PDE6A: variants seen among roughly 807,000 people sequenced by gnomAD.
PDE6A encodes rod cGMP-specific 3',5'-cyclic phosphodiesterase subunit alpha.
PDE6A carries 84 observed loss-of-function variants against 106.3 expected under a neutral mutation model. That is an observed-to-expected ratio of 0.79 (90% CI 0.66 to 0.95). PDE6A has a LOEUF of 0.95. Ranked by LOEUF, PDE6A falls within the 40% of genes least tolerant of loss-of-function variation. The pLI is 0.00. For synonymous variants in PDE6A, 394 were observed against 386.6 expected (o/e 1.02, Z -0.23); for missense variants, 1,052 against 1,084.9 (o/e 0.97, Z 0.43).
chr5:149,894,294 G>A (rs548363815), intron 13 of PDE6A, among the ~76,000 whole-genome samples: 3 of 152,212 alleles, frequency 2.0e-5, no homozygotes, highest in South Asian at 4.2e-4. Flanking sequence ...TAATTTAAAG[G>A]TGGCTGATAC....
chr5:149,917,962 A>G (rs1228397100), intron 5 of PDE6A, among the ~76,000 whole-genome samples: 1 of 152,038 alleles, frequency 6.6e-6, no homozygotes, highest in Non-Finnish European at 1.5e-5. Flanking sequence ...TTCCTTTTCT[A>G]TTAACCCCTG....
Position 149,913,338 on chromosome 5 carries a change from G to T in PDE6A, c.998+1605C>A, listed in dbSNP as rs114685851. Among the ~76,000 whole-genome samples the T allele has an allele frequency of 6.2e-3, 938 of 150,256 alleles. 10 individuals carry two copies. The highest frequency in any genetic ancestry group is 0.022 in the African/African-American group (892 of 40,860). The stretch of plus-strand genomic sequence containing the variant: ...TGGAAGTTGTAGTGAGCTGAGATTC[G>T]GCCACTGCACTCCAGCCTGGGAGAC... On this transcript the variant is annotated intron_variant, in intron 6 of 21. Coordinates refer to ENST00000255266, the MANE Select transcript of PDE6A (RefSeq NM_000440.3).
intron 17 of PDE6A, among the ~76,000 whole-genome samples, chr5:149,877,685 C>T (rs577767922): frequency 5.3e-5 from 8 of 152,328 alleles, no homozygotes; most frequent in Admixed American, 1.3e-4. Flanking sequence ...GCTGGGATTA[C>T]AGGCATGGCC....
chr5:149,888,855 G>A (rs1266621934), intron 13 of PDE6A, among the ~76,000 whole-genome samples: 4 of 151,688 alleles, frequency 2.6e-5, no homozygotes, highest in Non-Finnish European at 5.9e-5. Context: ...AGGCCGAGGC[G>A]GGCGGATCAC....
chr5:149,906,418 C>T (rs866584275), intron 7 of PDE6A, among the ~76,000 whole-genome samples: 13 of 147,628 alleles, frequency 8.8e-5, no homozygotes, highest in Non-Finnish European at 1.5e-5. Context: ...CACAGCTATT[C>T]GGGTGGCTGA....
chr5:149,930,629 C>T (rs1038681815), intron 4 of PDE6A, among the ~76,000 whole-genome samples: 11 of 152,300 alleles, frequency 7.2e-5, no homozygotes, highest in African/African-American at 2.6e-4. Flanking sequence ...CCTGGGTGAG[C>T]TCTGGAATAG....
Position 149,899,527 on chromosome 5 carries a change from A to G in PDE6A, c.1114-3T>C, listed in dbSNP as rs1266278691. ...CCAGACTCATCCAGAGGTTCTTTCTACAAGAGAAGGGCTAGATTAGGTTTC... is the reference window on the plus strand; with the variant it reads ...CCAGACTCATCCAGAGGTTCTTTCTGCAAGAGAAGGGCTAGATTAGGTTTC... On this transcript the variant is annotated splice_polypyrimidine_tract_variant and splice_region_variant and intron_variant, in intron 8 of 21. Transcript: ENST00000255266. 6.2e-7 allele frequency: 1 copy of G among 1,614,040 alleles called. No individual in the cohort carries two copies. Among genetic ancestry groups the G allele is most frequent in the Non-Finnish European group, 8.5e-7 (1 of 1,179,914 alleles).
At chr5:149,929,578 G>C (rs919478304) in intron 4 of PDE6A, among the ~76,000 whole-genome samples, 6 of 151,714 alleles carry the variant, frequency 4.0e-5, no homozygotes, top group African/African-American at 1.5e-4. Context: ...CTGCACTCCA[G>C]CCTGGGTGAC....
At chr5:149,915,240 AC>A (rs1300893214) in intron 5 of PDE6A, among the ~76,000 whole-genome samples, 1 of 150,324 alleles carries the variant, frequency 6.7e-6, no homozygotes, top group African/African-American at 2.4e-5. Context: ...CCAACTCCTG[AC>A]CCCATGATCT....
intron 3 of PDE6A, among the ~76,000 whole-genome samples, chr5:149,933,392 TG>T (rs1754099163): frequency 6.6e-6 from 1 of 152,226 alleles, no homozygotes; most frequent in South Asian, 2.1e-4. Flanking sequence ...CCCAAAGTGC[TG>T]GAACTACAGG....
At chr5:149,890,972 A>C (rs1416026838) in intron 13 of PDE6A, among the ~76,000 whole-genome samples, 1 of 152,204 alleles carries the variant, frequency 6.6e-6, no homozygotes, top group African/African-American at 2.4e-5. Flanking sequence ...AGTGCTATGC[A>C]CCTGAATTGG....
intron 19 of PDE6A, chr5:149,867,309 C>A (rs376298330): frequency 7.7e-5 from 21 of 274,014 alleles, no homozygotes; most frequent in Middle Eastern, 1.3e-3. Flanking sequence ...GCACAACTTG[C>A]TCACTCTGTG....
At chr5:149,916,871 G>C (rs1285219946) in intron 5 of PDE6A, among the ~76,000 whole-genome samples, 1 of 152,022 alleles carries the variant, frequency 6.6e-6, no homozygotes, top group East Asian at 1.9e-4. Context: ...TTTACTGTCC[G>C]CATCACTGTC....
chr5:149,862,036 G>A (rs1451972475), intron 21 of PDE6A, among the ~76,000 whole-genome samples: 1 of 152,162 alleles, frequency 6.6e-6, no homozygotes, highest in Non-Finnish European at 1.5e-5. Flanking sequence ...TGCCCATTTA[G>A]AATCAACCCA....
At position 149,903,673 on chromosome 5, in the gene PDE6A, G is replaced by A. The variant is rs762177150; in HGVS notation, c.1088C>T (p.Pro363Leu). 1.9e-6 allele frequency: 3 copies of A among 1,613,846 alleles called. No individual in the cohort carries two copies. Among genetic ancestry groups the A allele is most frequent in the Non-Finnish European group, 2.5e-6 (3 of 1,179,780 alleles). The change falls in exon 8 of 22, where the codon CCT (proline) becomes CTT (leucine). Residue 363 changes from proline (P) to leucine (L), a missense_variant. This residue lies in a region of PDE6A where 913 missense variants were observed against 915.2 expected (regional missense o/e 1.00). Coordinates refer to ENST00000255266, the MANE Select transcript of PDE6A (RefSeq NM_000440.3). ...NGLICNIMNA[P>L]AEDFFAFQKE... ...CTGAAATGCAAAAAAGTCCTCCGCA[G>A]GCGCATTCATGATGTTGCAAATCTG...
chr5:149,907,445 G>C, intron 6 of PDE6A, 67 bp from the exon 7 acceptor site: 2 of 1,304,336 alleles, frequency 1.5e-6, no homozygotes, highest in Non-Finnish European at 2.2e-6. Flanking sequence ...ACTAAAATCT[G>C]GGTGTTTGCG....
chr5:149,932,747 G>A, intron 3 of PDE6A: 2 of 1,163,450 alleles, frequency 1.7e-6, no homozygotes, highest in Non-Finnish European at 2.5e-6. Flanking sequence ...GGCACTGTCG[G>A]CTTCTGTGCT....
intron 6 of PDE6A, among the ~76,000 whole-genome samples, chr5:149,909,239 C>T (rs1581192081): frequency 6.6e-6 from 1 of 152,258 alleles, no homozygotes; most frequent in Middle Eastern, 3.4e-3. Context: ...TGGCTCACTG[C>T]AGCCTCAACC....
intron 17 of PDE6A, among the ~76,000 whole-genome samples, chr5:149,871,100 T>C (rs1271685095): frequency 2.0e-5 from 3 of 152,168 alleles, no homozygotes; most frequent in East Asian, 3.9e-4. Flanking sequence ...CAGTCTTATA[T>C]GTGGAAGCCC....
Sources: allele counts gnomAD v4.1 joint callset (sites outside exome capture counted in the v4.1 genomes callset), GRCh38; gene constraint gnomAD v4.1.1; regional missense constraint gnomAD v4.1.1; transcripts MANE v1.5; gene names NCBI Gene and HGNC (gene_info 2026-07-23, HGNC 2026-07-21).